KCNH8: variants seen among roughly 807,000 people sequenced by gnomAD.
KCNH8 encodes voltage-gated delayed rectifier potassium channel KCNH8.
Under a neutral mutation model 103.6 loss-of-function variants are expected in KCNH8, and 70 were observed. The observed-to-expected ratio is 0.68, with a 90% confidence interval of 0.56 to 0.82. KCNH8 has a LOEUF of 0.82. Ranked by LOEUF, KCNH8 falls within the 40% of genes least tolerant of loss-of-function variation. The probability of loss-of-function intolerance (pLI) is 0.00; values close to 1 mark genes in which losing one functional copy is unlikely to be tolerated. For synonymous variants in KCNH8, 498 were observed against 489.4 expected (o/e 1.02, Z -0.23); for missense variants, 1,217 against 1,329.9 (o/e 0.92, Z 1.32).
chr3:19,498,552 G>A (rs752767998), intron 11 of KCNH8, among the ~76,000 whole-genome samples: 22 of 152,034 alleles, frequency 1.4e-4, no homozygotes, highest in Middle Eastern at 3.4e-3. Context: ...TATTTTCTTT[G>A]ATCGTCTGAA....
chr3:19,494,932 C>A (rs1350680524), intron 11 of KCNH8, among the ~76,000 whole-genome samples: 1 of 152,082 alleles, frequency 6.6e-6, no homozygotes. Flanking sequence ...ATTTGATTTG[C>A]ATTTCTCTAA....
chr3:19,260,082 A>C (rs530768880), intron 2 of KCNH8, among the ~76,000 whole-genome samples: 23 of 151,770 alleles, frequency 1.5e-4, no homozygotes, highest in African/African-American at 5.1e-4. Context: ...ACAAATGGGG[A>C]AACGTGGTGA....
intron 7 of KCNH8, among the ~76,000 whole-genome samples, chr3:19,421,804 A>C (rs1469179658): frequency 6.6e-6 from 1 of 152,018 alleles, no homozygotes; most frequent in African/African-American, 2.4e-5. Context: ...TATTATTTCT[A>C]CTAAGTCTAA....
At chr3:19,211,348 G>C (rs1485003823) in intron 1 of KCNH8, among the ~76,000 whole-genome samples, 2 of 152,166 alleles carry the variant, frequency 1.3e-5, no homozygotes, top group Non-Finnish European at 2.9e-5. Flanking sequence ...CTTGTCTGTT[G>C]ATTGGAATAG....
intron 1 of KCNH8, among the ~76,000 whole-genome samples, chr3:19,216,099 A>G (rs1256584594): frequency 6.6e-6 from 1 of 152,228 alleles, no homozygotes. Context: ...CAGTTTTGCT[A>G]ACAAAGTTTG....
chr3:19,471,225 TAA>T (rs763949208), intron 11 of KCNH8, among the ~76,000 whole-genome samples: 4 of 152,188 alleles, frequency 2.6e-5, no homozygotes, highest in Admixed American at 1.3e-4. Context: ...CAGCCTTAAA[TAA>T]AGTGTTAAAT....
chr3:19,264,723 T>C (rs2064484606), intron 2 of KCNH8, among the ~76,000 whole-genome samples: 1 of 152,138 alleles, frequency 6.6e-6, no homozygotes, highest in Non-Finnish European at 1.5e-5. Flanking sequence ...AGCTAGCATT[T>C]ACTGAGCGTT....
chr3:19,359,830 A>G lies in KCNH8; in HGVS notation c.811+11865A>G, dbSNP rs543202716. Among the ~76,000 whole-genome samples the G allele has an allele frequency of 2.0e-5, 3 of 152,080 alleles. No individual in the cohort carries two copies. The South Asian group carries it at 6.2e-4, about 32-fold the overall frequency. Reference sequence around the variant, plus strand: ...TATGTGTGTGTATATTTACTTGACAATGCTTAGGTTGTCTTTGGAGATTTA... The same window carrying G: ...TATGTGTGTGTATATTTACTTGACAGTGCTTAGGTTGTCTTTGGAGATTTA... On this transcript the variant is annotated intron_variant, in intron 5 of 15. Transcript: ENST00000328405.
chr3:19,217,430 T>C (rs1194226953), intron 1 of KCNH8, among the ~76,000 whole-genome samples: 1 of 152,182 alleles, frequency 6.6e-6, no homozygotes, highest in Non-Finnish European at 1.5e-5. Flanking sequence ...ATGAAGTCTC[T>C]TCCTTTTTAG....
chr3:19,396,118 A>G (rs1232849930), intron 7 of KCNH8, among the ~76,000 whole-genome samples: 1 of 152,018 alleles, frequency 6.6e-6, no homozygotes, highest in Non-Finnish European at 1.5e-5. Context: ...TTTTTTATTA[A>G]TCTGAGATTT....
At position 19,533,870 on chromosome 3, in the gene KCNH8, C is replaced by A. The variant is rs368659947; in HGVS notation, c.3095C>A (p.Ser1032Tyr). 2.4e-5 allele frequency: 38 copies of A among 1,614,066 alleles called. No individual in the cohort carries two copies. In the African/African-American group the frequency reaches 3.6e-4, roughly 15 times the overall value. Residue 1032 changes from serine (S) to tyrosine (Y), a missense_variant, in exon 16 of 16, where the codon TCT becomes TAT. This residue lies in a region of KCNH8 where 558 missense variants were observed against 495.8 expected (regional missense o/e 1.13). Transcript: ENST00000328405. ...PLQSISATLS[S>Y]SVCSSSETSL... Reference sequence around the variant, plus strand: ...CAGTCCATTTCAGCAACTCTCTCATCTTCTGTCTGCTCCTCTTCGGAAACA... The same window carrying A: ...CAGTCCATTTCAGCAACTCTCTCATATTCTGTCTGCTCCTCTTCGGAAACA...
intron 11 of KCNH8, among the ~76,000 whole-genome samples, chr3:19,504,899 A>G (rs1406802655): frequency 6.6e-6 from 1 of 152,124 alleles, no homozygotes; most frequent in East Asian, 1.9e-4. Flanking sequence ...AGCACTATTC[A>G]CAATAGCAAA....
chr3:19,472,433 T>TCCTG (rs2067882354), intron 11 of KCNH8, among the ~76,000 whole-genome samples: 2 of 152,138 alleles, frequency 1.3e-5, no homozygotes, highest in Admixed American at 1.3e-4. Flanking sequence ...GGCAGGTCTT[T>TCCTG]CCTGTGCTGT....
chr3:19,431,891 T>G (rs1238668137), intron 7 of KCNH8, among the ~76,000 whole-genome samples: 1 of 152,186 alleles, frequency 6.6e-6, no homozygotes, highest in Non-Finnish European at 1.5e-5. Context: ...TCTTCTCTCT[T>G]TTCTTCTTTA....
At chr3:19,459,804 T>A (rs1175969626) in intron 11 of KCNH8, among the ~76,000 whole-genome samples, 1 of 152,138 alleles carries the variant, frequency 6.6e-6, no homozygotes, top group East Asian at 1.9e-4. Flanking sequence ...ATTTTATTCT[T>A]CTGCATGTGG....
chr3:19,396,964 C>T (rs1006183755), intron 7 of KCNH8, among the ~76,000 whole-genome samples: 7 of 151,908 alleles, frequency 4.6e-5, no homozygotes, highest in Admixed American at 3.3e-4. Context: ...TTGTAAGTCT[C>T]GTCTGGTCTG....
chr3:19,263,833 T>C (rs571161363), intron 2 of KCNH8, among the ~76,000 whole-genome samples: 1 of 152,132 alleles, frequency 6.6e-6, no homozygotes, highest in African/African-American at 2.4e-5. Flanking sequence ...TAGAAACACA[T>C]TTGGGGACGA....
At chr3:19,308,300 AAGG>A (rs2065156438) in intron 3 of KCNH8, among the ~76,000 whole-genome samples, 1 of 151,304 alleles carries the variant, frequency 6.6e-6, no homozygotes, top group Non-Finnish European at 1.5e-5. Flanking sequence ...AAAAAAAAAA[AAGG>A]TGATGATTAG....
chr3:19,533,875 G>T lies in KCNH8; in HGVS notation c.3100G>T (p.Val1034Phe). Reference protein sequence around the residue: ...QSISATLSSSVCSSSETSLHL... With the variant: ...QSISATLSSSFCSSSETSLHL... ...CATTTCAGCAACTCTCTCATCTTCT[G>T]TCTGCTCCTCTTCGGAAACATCTTT... is the stretch of plus-strand genomic sequence containing the variant. Residue 1034 changes from valine (V) to phenylalanine (F), a missense_variant, in exon 16 of 16, where the codon GTC (valine) becomes TTC (phenylalanine). Val to Phe is a conservative substitution (Grantham distance 50). Transcript: ENST00000328405. The T allele has an allele frequency of 6.2e-7, 1 of 1,614,126 alleles. No individual in the cohort carries two copies. The highest frequency in any genetic ancestry group is 8.5e-7 in the Non-Finnish European group (1 of 1,180,006).
Sources: allele counts gnomAD v4.1 joint callset (sites outside exome capture counted in the v4.1 genomes callset), GRCh38; gene constraint gnomAD v4.1.1; regional missense constraint gnomAD v4.1.1; transcripts MANE v1.5; gene names NCBI Gene and HGNC (gene_info 2026-07-23, HGNC 2026-07-21).